The following TNFRSF11A variants were observed in gnomAD, a reference collection of about 807,000 sequenced individuals.
The protein encoded by TNFRSF11A is TNF receptor superfamily member 11a.
Under a neutral mutation model 55.7 loss-of-function variants are expected in TNFRSF11A, and 32 were observed. That is an observed-to-expected ratio of 0.57 (90% CI 0.43 to 0.77). The LOEUF (loss-of-function observed/expected upper bound fraction) is 0.77, where lower values mean the gene tolerates loss of function less well. TNFRSF11A is among the 30% of genes least tolerant of loss of function. The probability of loss-of-function intolerance (pLI) is 0.00; values close to 1 mark genes in which losing one functional copy is unlikely to be tolerated. For missense variants in TNFRSF11A, 753 were observed against 809.8 expected, an observed-to-expected ratio of 0.93 and a Z score of 0.85; for synonymous variants, 311 against 331.0, an observed-to-expected ratio of 0.94 and a Z score of 0.65.
chr18:62,358,425 C>A, intron 5 of TNFRSF11A, 84 bp downstream of exon 5: 1 of 1,344,498 alleles, frequency 7.4e-7, no homozygotes, highest in Non-Finnish European at 1.1e-6. Context: ...TGAAAACGGA[C>A]GGATTCTGTT....
At chr18:62,368,087 C>T (rs1910234046) in intron 8 of TNFRSF11A, among the ~76,000 whole-genome samples, 1 of 152,246 alleles carries the variant, frequency 6.6e-6, no homozygotes, top group Non-Finnish European at 1.5e-5. Flanking sequence ...AGCCACCACG[C>T]CTGGTTAGAT....
intron 7 of TNFRSF11A, 142 bp from the exon 8 acceptor site, chr18:62,366,566 C>T (rs1298105636): frequency 1.2e-5 from 11 of 900,468 alleles, no homozygotes; most frequent in Non-Finnish European, 1.6e-5. Flanking sequence ...TGTTAATTTG[C>T]TTCACTATAG....
intron 1 of TNFRSF11A, among the ~76,000 whole-genome samples, chr18:62,339,148 C>A (rs1219492236): frequency 1.3e-5 from 2 of 152,128 alleles, no homozygotes; most frequent in East Asian, 1.9e-4. Flanking sequence ...AAAAAAGACC[C>A]TCCCTTCCTT....
In TNFRSF11A at chr18:62,387,177, A is replaced by G. The variant is rs558976795; in HGVS notation, c.*2143A>G. On this transcript the variant is annotated 3_prime_UTR_variant, in exon 10 of 10. Transcript: ENST00000586569. ...GAGATCCTTAAATCAAAGGTGCTATATACATAAGTAAGACTCTACTTTCAG... is the reference window on the plus strand; with the variant it reads ...GAGATCCTTAAATCAAAGGTGCTATGTACATAAGTAAGACTCTACTTTCAG... 2 of 152,334 alleles carry G rather than the reference A, an allele frequency of 1.3e-5. No individual in the cohort carries two copies. Among genetic ancestry groups the G allele is most frequent in the African/African-American group, 4.8e-5 (2 of 41,580 alleles). 9.4% of individuals were successfully genotyped at this position (152,334 alleles called of 1,614,324 possible).
chr18:62,375,879 G>A (rs1310212475), intron 9 of TNFRSF11A, among the ~76,000 whole-genome samples: 2 of 152,178 alleles, frequency 1.3e-5, no homozygotes, highest in East Asian at 3.8e-4. Context: ...TGTACCTGTA[G>A]TCCCAGCCAC....
intron 1 of TNFRSF11A, among the ~76,000 whole-genome samples, chr18:62,328,399 A>G (rs1317874930): frequency 6.6e-6 from 1 of 151,758 alleles, no homozygotes; most frequent in Non-Finnish European, 1.5e-5. Flanking sequence ...CTTTAGACCT[A>G]AAAGAATCTT....
chr18:62,343,663 T>C (rs867891781), intron 1 of TNFRSF11A, among the ~76,000 whole-genome samples: 2 of 152,244 alleles, frequency 1.3e-5, no homozygotes, highest in South Asian at 4.1e-4. Flanking sequence ...GAAGAGTCCA[T>C]CAGCCGTTAA....
intron 1 of TNFRSF11A, among the ~76,000 whole-genome samples, chr18:62,331,887 A>G (rs1175179256): frequency 6.6e-6 from 1 of 152,222 alleles, no homozygotes; most frequent in African/African-American, 2.4e-5. Flanking sequence ...CTGACCCAGC[A>G]GGTGACACGG....
At chr18:62,365,126 A>G (rs758964164) in intron 7 of TNFRSF11A, among the ~76,000 whole-genome samples, 2 of 151,724 alleles carry the variant, frequency 1.3e-5, no homozygotes, top group Non-Finnish European at 2.9e-5. Flanking sequence ...ATGCCCGGCT[A>G]ATTTTTGTAT....
chr18:62,365,683 C>A (rs1349142912), intron 7 of TNFRSF11A, among the ~76,000 whole-genome samples: 1 of 152,144 alleles, frequency 6.6e-6, no homozygotes, highest in African/African-American at 2.4e-5. Context: ...CCTCTGACAG[C>A]CCCCAAATGT....
In TNFRSF11A at chr18:62,349,909, A is replaced by G. The variant is rs768547923; in HGVS notation, c.255A>G (p.Lys85=). 2 of 1,614,112 alleles carry G rather than the reference A, an allele frequency of 1.2e-6. No individual in the cohort carries two copies. The highest frequency in any genetic ancestry group is 1.7e-5 in the Admixed American group (1 of 60,020). Residue 85 remains lysine (K), a synonymous_variant, in exon 3 of 10, where the codon AAA becomes AAG. Coordinates refer to ENST00000586569, the MANE Select transcript of TNFRSF11A (RefSeq NM_003839.4). ...EYLDSWNEED[K]CLLHKVCDTG... ...TGGATAGCTGGAATGAAGAAGATAA[A>G]TGCTTGCTGCATAAAGTTTGTGATA...
intron 8 of TNFRSF11A, among the ~76,000 whole-genome samples, chr18:62,368,344 C>T (rs1368533457): frequency 6.6e-6 from 1 of 152,214 alleles, no homozygotes; most frequent in Non-Finnish European, 1.5e-5. Flanking sequence ...CACAGAGCTG[C>T]TTACTCGAGT....
At chr18:62,366,529 A>G (rs1910098286) in intron 7 of TNFRSF11A, among the ~76,000 whole-genome samples, 179 bp from the exon 8 acceptor site, 2 of 152,226 alleles carry the variant, frequency 1.3e-5, no homozygotes, top group Non-Finnish European at 2.9e-5. Context: ...ACACATAAAA[A>G]TGGGTAACTA....
intron 7 of TNFRSF11A, among the ~76,000 whole-genome samples, chr18:62,365,810 T>C (rs6567273): frequency 6.6e-6 from 1 of 151,800 alleles, no homozygotes; most frequent in Admixed American, 6.6e-5. Flanking sequence ...ATTTTTTATT[T>C]TTTTATTTTA....
chr18:62,387,601 T>A lies in TNFRSF11A; in HGVS notation c.*2567T>A, dbSNP rs1911823503. The A allele has an allele frequency of 6.6e-6, 1 of 152,222 alleles. No individual in the cohort carries two copies. Among genetic ancestry groups the A allele is most frequent in the South Asian group, 2.1e-4 (1 of 4,834 alleles). 9.4% of individuals were successfully genotyped at this position (152,222 alleles called of 1,614,324 possible). ...AAAATACTTGCTTTAATAATATATA[T>A]GCTGTTGATTTCACAAAAATTTATT... On this transcript the variant is annotated 3_prime_UTR_variant, in exon 10 of 10. Coordinates refer to ENST00000586569, the MANE Select transcript of TNFRSF11A (RefSeq NM_003839.4).
chr18:62,332,625 G>A (rs1482823675), intron 1 of TNFRSF11A, among the ~76,000 whole-genome samples: 1 of 152,150 alleles, frequency 6.6e-6, no homozygotes. Flanking sequence ...GTTGGTCAAT[G>A]TCTTCTTTAT....
intron 1 of TNFRSF11A, among the ~76,000 whole-genome samples, chr18:62,343,424 T>G (rs944165369): frequency 2.0e-5 from 3 of 152,168 alleles, no homozygotes; most frequent in African/African-American, 7.2e-5. Context: ...AATAAATATT[T>G]AAGTCAACCT....
At chr18:62,348,790 A>G (rs1322249741) in intron 2 of TNFRSF11A, among the ~76,000 whole-genome samples, 2 of 152,256 alleles carry the variant, frequency 1.3e-5, no homozygotes, top group Non-Finnish European at 2.9e-5. Context: ...TGAAAGCCAC[A>G]GTCCACGGGG....
intron 2 of TNFRSF11A, among the ~76,000 whole-genome samples, chr18:62,348,777 C>T (rs2046421751): frequency 6.6e-6 from 1 of 152,210 alleles, no homozygotes; most frequent in Admixed American, 6.5e-5. Flanking sequence ...TCTGCAGCCC[C>T]AGTGAAAGCC....
Sources: allele counts gnomAD v4.1 joint callset (sites outside exome capture counted in the v4.1 genomes callset), GRCh38; gene constraint gnomAD v4.1.1; transcripts MANE v1.5; gene names NCBI Gene and HGNC (gene_info 2026-07-23, HGNC 2026-07-21).